The following ZNF215 variants were observed in gnomAD, a reference collection of about 807,000 sequenced individuals.
ZNF215 encodes BWSCR2-associated zinc finger protein 2.
Under a neutral mutation model 27.2 loss-of-function variants are expected in ZNF215, and 24 were observed. The observed-to-expected ratio is 0.88, with a 90% CI of 0.64 to 1.24. The LOEUF is 1.24. Among genes scored for constraint, ZNF215 ranks in the 50% most tolerant of loss-of-function variants. The probability of loss-of-function intolerance (pLI) is 0.00; values close to 1 mark genes in which losing one functional copy is unlikely to be tolerated. For synonymous variants in ZNF215, 210 were observed against 204.0 expected, an observed-to-expected ratio of 1.03 and a Z score of -0.25; for missense variants, 675 against 605.7, an observed-to-expected ratio of 1.11 and a Z score of -1.20.
chr11:6,952,924 G>A (rs1252644994), intron 6 of ZNF215, among the ~76,000 whole-genome samples: 4 of 151,946 alleles, frequency 2.6e-5, no homozygotes, highest in Non-Finnish European at 5.9e-5. Flanking sequence ...TTTTAGGGCA[G>A]GCCTGGTGGT....
At chr11:6,943,481 A>G (rs1010613456) in intron 5 of ZNF215, 65 bp from the exon 6 acceptor site, 2 of 1,443,104 alleles carry the variant, frequency 1.4e-6, no homozygotes, top group South Asian at 1.2e-5. Flanking sequence ...TATCTTCTCT[A>G]TAAAAATGTC....
chr11:6,986,854 AAAAC>A (rs1421941695), downstream of ZNF215, among the ~76,000 whole-genome samples: 1 of 151,910 alleles, frequency 6.6e-6, no homozygotes, highest in Non-Finnish European at 1.5e-5. Flanking sequence ...AACAAAAACA[AAAAC>A]AAAAACAGAT....
In ZNF215 at chr11:6,935,476, T is replaced by C. The variant is rs557633287; in HGVS notation, c.400+2804T>C. On this transcript the variant is annotated intron_variant, in intron 3 of 6. Transcript: ENST00000278319. The stretch of plus-strand genomic sequence containing the variant: ...CCAGTAAGCTGAGGGAACAGATTCA[T>C]GCAGGTAAACATAACATAGCATATA... Among the ~76,000 whole-genome samples, 10 of 152,316 alleles carry C rather than the reference T, an allele frequency of 6.6e-5. No individual in the cohort carries two copies. The East Asian group carries it at 1.9e-3, about 29-fold the overall frequency.
downstream of ZNF215, among the ~76,000 whole-genome samples, chr11:6,961,766 CAT>C (rs1850520973): frequency 6.6e-6 from 1 of 152,130 alleles, no homozygotes. Context: ...GGTGGCTCCA[CAT>C]ATTTAAAAAT....
intron 3 of ZNF215, among the ~76,000 whole-genome samples, chr11:6,936,775 A>G (rs1454748895): frequency 6.6e-6 from 1 of 152,006 alleles, no homozygotes; most frequent in East Asian, 1.9e-4. Context: ...GGTTCAACAA[A>G]TGAAAATATA....
intron 5 of ZNF215, among the ~76,000 whole-genome samples, chr11:6,980,602 T>A (rs1461300125): frequency 7.5e-6 from 1 of 133,240 alleles, no homozygotes; most frequent in African/African-American, 3.0e-5. Flanking sequence ...GATCTTAGTT[T>A]ACTTTTTATT....
intron 5 of ZNF215, among the ~76,000 whole-genome samples, chr11:6,967,415 CCCA>C (rs1253455193): frequency 6.6e-6 from 1 of 152,222 alleles, no homozygotes; most frequent in Non-Finnish European, 1.5e-5. Flanking sequence ...AATTTACACT[CCCA>C]CCAACAGTGC....
In ZNF215 at chr11:6,983,027, G is replaced by A. The variant is rs957955366; in HGVS notation, c.806-1102G>A. Among the ~76,000 whole-genome samples, 459 of 149,072 alleles carry A rather than the reference G, an allele frequency of 3.1e-3. 5 individuals are homozygous for A. The highest frequency in any genetic ancestry group is 0.011 in the African/African-American group (435 of 40,006). On this transcript the variant is annotated intron_variant, in intron 5 of 5. Coordinates refer to the ZNF215 transcript ENST00000529903. ...GACCACTAGCAAGACTAATAAAGAA[G>A]AAAAGAGAGAAGAATCAAATAGATG... is the stretch of plus-strand genomic sequence containing the variant.
In ZNF215 at chr11:6,956,126, A is replaced by G. The variant is rs539789480; in HGVS notation, c.1149A>G (p.Gln383=). 118 of 1,613,816 alleles carry G rather than the reference A, an allele frequency of 7.3e-5. 1 individual carries two copies. In the South Asian group the frequency reaches 1.1e-3, roughly 15 times the overall value. Residue 383 remains glutamine, a synonymous_variant, in exon 7 of 7, where the codon CAA becomes CAG. Coordinates refer to ENST00000278319, the MANE Select transcript of ZNF215 (RefSeq NM_013250.4). ...CAATGAATTCCTATGAATGTTATCA[A>G]TGTGGGAAAGCCTTCTGCCGAAGTT... is the stretch of plus-strand genomic sequence containing the variant. ...HTTMNSYECY[Q]CGKAFCRSSS...
At chr11:6,968,379 A>G (rs1015803002) in intron 5 of ZNF215, among the ~76,000 whole-genome samples, 8 of 152,134 alleles carry the variant, frequency 5.3e-5, no homozygotes, top group Non-Finnish European at 1.0e-4. Flanking sequence ...GTTGGGCGGT[A>G]TGGCCATTTT....
At chr11:6,977,373 A>G (rs556670848) in intron 5 of ZNF215, among the ~76,000 whole-genome samples, 11 of 152,162 alleles carry the variant, frequency 7.2e-5, no homozygotes, top group African/African-American at 2.6e-4. Context: ...GTCACTTAGC[A>G]GTTACCTTGG....
At chr11:6,975,420 A>G (rs986633711) in intron 5 of ZNF215, among the ~76,000 whole-genome samples, 2 of 152,038 alleles carry the variant, frequency 1.3e-5, no homozygotes, top group Admixed American at 6.6e-5. Context: ...TTAAATGTAC[A>G]ATTACTGACT....
At chr11:6,948,335 A>C (rs938854192) in intron 6 of ZNF215, among the ~76,000 whole-genome samples, 15 of 152,186 alleles carry the variant, frequency 9.9e-5, no homozygotes, top group Admixed American at 2.0e-4. Context: ...CTCTCTGAAG[A>C]CTTGTGAATT....
Position 6,943,012 on chromosome 11 carries a change from C to T in ZNF215, c.484-71C>T, listed in dbSNP as rs1020780825. 36 of 1,561,940 alleles carry T rather than the reference C, an allele frequency of 2.3e-5. No homozygotes were observed. In the African/African-American group the frequency reaches 4.5e-4, roughly 20 times the overall value. ...TATTCTGGCTCCTACCCTATTCCTT[C>T]AAATCCATTCCTTCTCTGGTAGTGT... On this transcript the variant is annotated intron_variant, in intron 4 of 6. Transcript: ENST00000278319.
At chr11:6,966,606 A>ATC (rs576991130) in intron 5 of ZNF215, among the ~76,000 whole-genome samples, 117 of 152,190 alleles carry the variant, frequency 7.7e-4, no homozygotes, top group African/African-American at 2.7e-3. Flanking sequence ...TATCTATAGG[A>ATC]TCTATAGTCC....
At chr11:6,968,605 C>T (rs1404846089) in intron 5 of ZNF215, among the ~76,000 whole-genome samples, 1 of 151,422 alleles carries the variant, frequency 6.6e-6, no homozygotes, top group Non-Finnish European at 1.5e-5. Flanking sequence ...GTGGCTCACA[C>T]CTGTAATCCC....
chr11:6,938,702 T>G (rs553383642), intron 3 of ZNF215, among the ~76,000 whole-genome samples: 2 of 152,190 alleles, frequency 1.3e-5, no homozygotes, highest in African/African-American at 4.8e-5. Flanking sequence ...ATGTCCAGAA[T>G]AGGCAAATTC....
intron 5 of ZNF215, among the ~76,000 whole-genome samples, chr11:6,983,633 A>T (rs1851005522): frequency 6.6e-6 from 1 of 152,228 alleles, no homozygotes; most frequent in African/African-American, 2.4e-5. Context: ...ACTAGAACAT[A>T]GATATATCTT....
chr11:6,984,069 G>T (rs1327539984), intron 5 of ZNF215: 3 of 387,608 alleles, frequency 7.7e-6, no homozygotes, highest in Admixed American at 6.4e-5. Flanking sequence ...GGGGTATGAA[G>T]TGGTAAAATA....
Sources: gnomAD v4.1 joint callset for allele counts (sites outside exome capture counted in the v4.1 genomes callset) on GRCh38, gnomAD v4.1.1 for gene constraint, MANE v1.5 for transcripts, NCBI Gene and HGNC (gene_info 2026-07-23, HGNC 2026-07-21) for gene names.